Variants in FRMPD4 observed in about 807,000 individuals in gnomAD.
The protein encoded by FRMPD4 is FERM and PDZ domain containing 4.
Under a neutral mutation model 94.1 loss-of-function variants are expected in FRMPD4, and 22 were observed. The ratio of observed to expected loss-of-function variants is 0.23; its 90% CI spans 0.17 to 0.33. The LOEUF (loss-of-function observed/expected upper bound fraction) is 0.33, where lower values mean the gene tolerates loss of function less well. FRMPD4 is among the 10% of genes least tolerant of loss of function. FRMPD4 has a pLI of 1.00. For synonymous variants in FRMPD4, 631 were observed against 548.6 expected, an observed-to-expected ratio of 1.15 and a Z score of -2.10; for missense variants, 1,111 against 1,339.9, an observed-to-expected ratio of 0.83 and a Z score of 2.67.
intron 1 of FRMPD4, among the ~76,000 whole-genome samples, chrX:12,447,592 A>G (rs1439550122): frequency 8.9e-6 from 1 of 112,395 alleles, no homozygotes; most frequent in African/African-American, 3.2e-5. Flanking sequence ...AGATGGAATC[A>G]ATGCAACACG....
chrX:11,839,878 T>C (rs759095881), intron 1 of FRMPD4, among the ~76,000 whole-genome samples: 189 of 111,506 alleles, frequency 1.7e-3, no homozygotes, highest in Non-Finnish European at 2.9e-3. Context: ...CTTTGTTGAA[T>C]GTAACTTGAA....
rs183205538 is a variant in FRMPD4, at chrX:12,516,864, A to G, written c.158+18068A>G. On this transcript the variant is annotated intron_variant, in intron 2 of 16. Coordinates refer to ENST00000675598, the MANE Select transcript of FRMPD4 (RefSeq NM_001368397.1). ...AGGTTCAGTCTTTTTACATAATCCCATAGTGCTCAGAGGTTTTGTTCATTC... is the reference window on the plus strand; with the variant it reads ...AGGTTCAGTCTTTTTACATAATCCCGTAGTGCTCAGAGGTTTTGTTCATTC... Among the ~76,000 whole-genome samples, 16 of 104,529 alleles carry G rather than the reference A, an allele frequency of 1.5e-4. No individual in the cohort carries two copies. The East Asian group carries it at 4.2e-3, about 27-fold the overall frequency. 90.8% of individuals were successfully genotyped at this position (104,529 alleles called of 115,157 possible).
chrX:11,929,233 A>C (rs1036724777), intron 3 of FRMPD4, among the ~76,000 whole-genome samples: 1 of 112,404 alleles, frequency 8.9e-6, no homozygotes, highest in African/African-American at 3.2e-5. Context: ...ACAATCCTGC[A>C]CATGTACCCT....
upstream of FRMPD4, among the ~76,000 whole-genome samples, chrX:12,135,796 T>C: frequency 9.0e-6 from 1 of 111,445 alleles, no homozygotes; most frequent in East Asian, 2.8e-4. Flanking sequence ...ATAAATAGGG[T>C]AATCCTTTTA....
At chrX:11,849,740 C>T (rs1456697564) in intron 1 of FRMPD4, among the ~76,000 whole-genome samples, 1 of 107,489 alleles carries the variant, frequency 9.3e-6, no homozygotes, top group Admixed American at 1.0e-4. Flanking sequence ...GAACAATGAA[C>T]TTGGACCTTT....
chrX:12,229,860 C>A (rs1351773468), intron 1 of FRMPD4, among the ~76,000 whole-genome samples: 2 of 112,376 alleles, frequency 1.8e-5, no homozygotes, highest in Middle Eastern at 4.6e-3. Flanking sequence ...ATCTGCCCTA[C>A]AACCTGCTGT....
At chrX:12,440,953 A>G (rs2057129345) in intron 1 of FRMPD4, among the ~76,000 whole-genome samples, 1 of 112,282 alleles carries the variant, frequency 8.9e-6, no homozygotes, top group African/African-American at 3.2e-5. Flanking sequence ...AGAATTGCCA[A>G]ATGGTAAATG....
intron 1 of FRMPD4, among the ~76,000 whole-genome samples, chrX:12,294,682 T>C (rs1327006958): frequency 9.0e-6 from 1 of 111,662 alleles, no homozygotes; most frequent in Non-Finnish European, 1.9e-5. Flanking sequence ...GATTGATGGC[T>C]CCCACACTAC....
At chrX:12,027,196 A>C (rs760613498) in intron 3 of FRMPD4, among the ~76,000 whole-genome samples, 4 of 112,315 alleles carry the variant, frequency 3.6e-5, no homozygotes, top group Admixed American at 2.8e-4. Flanking sequence ...AAACGAAGTA[A>C]TCTAATCTAG....
chrX:12,654,061 G>A (rs769472147), intron 4 of FRMPD4, among the ~76,000 whole-genome samples: 3 of 111,942 alleles, frequency 2.7e-5, no homozygotes, highest in Non-Finnish European at 5.6e-5. Flanking sequence ...GTGAGCCACC[G>A]TGCCCAGCCA....
At chrX:12,233,816 T>A (rs974452748) in intron 1 of FRMPD4, among the ~76,000 whole-genome samples, 1 of 110,647 alleles carries the variant, frequency 9.0e-6, no homozygotes, top group African/African-American at 3.3e-5. Flanking sequence ...CAGGGAAGCT[T>A]GGTGAAGGCA....
intron 1 of FRMPD4, among the ~76,000 whole-genome samples, chrX:12,331,679 A>G (rs2055382754): frequency 1.4e-5 from 1 of 72,983 alleles, no homozygotes; most frequent in South Asian, 5.5e-4. Context: ...TATATAAATT[A>G]TATATTTATA....
At chrX:12,303,570 C>G (rs144528388) in intron 1 of FRMPD4, among the ~76,000 whole-genome samples, 7 of 111,766 alleles carry the variant, frequency 6.3e-5, no homozygotes, top group African/African-American at 2.3e-4. Context: ...ATGTACTAAA[C>G]TGATATCTCA....
intron 2 of FRMPD4, among the ~76,000 whole-genome samples, chrX:12,556,853 G>T (rs752151245): frequency 1.0e-3 from 58 of 56,696 alleles, no homozygotes; most frequent in African/African-American, 2.8e-3. Context: ...ATACAAGTTT[G>T]TTTGTTTATT....
intron 3 of FRMPD4, among the ~76,000 whole-genome samples, chrX:12,612,461 A>G (rs941220472): frequency 8.9e-6 from 1 of 112,478 alleles, no homozygotes; most frequent in African/African-American, 3.2e-5. Flanking sequence ...CAGAAGTCCC[A>G]AGTGATTTCA....
intron 1 of FRMPD4, among the ~76,000 whole-genome samples, chrX:12,478,632 TC>T: frequency 9.0e-6 from 1 of 111,150 alleles, no homozygotes; most frequent in Non-Finnish European, 1.9e-5. Context: ...TAGGGGAAAA[TC>T]CTTTTTGTCT....
intron 4 of FRMPD4, among the ~76,000 whole-genome samples, chrX:12,620,771 AG>A (rs1033034992): frequency 8.9e-6 from 1 of 112,621 alleles, no homozygotes; most frequent in African/African-American, 3.2e-5. Context: ...CAGTCTATAA[AG>A]ACCAGTCTGT....
At chrX:12,102,626 C>T (rs1317764397) in intron 3 of FRMPD4, among the ~76,000 whole-genome samples, 1 of 111,322 alleles carries the variant, frequency 9.0e-6, no homozygotes, top group African/African-American at 3.3e-5. Flanking sequence ...ATACTGTGTG[C>T]TCCATGTAAG....
chrX:11,854,493 C>T (rs1354023517), intron 1 of FRMPD4, among the ~76,000 whole-genome samples: 1 of 112,075 alleles, frequency 8.9e-6, no homozygotes, highest in Non-Finnish European at 1.9e-5. Context: ...GCCTGTAAAA[C>T]CAAAGGCAAG....
Sources: allele counts gnomAD v4.1 joint callset (sites outside exome capture counted in the v4.1 genomes callset), GRCh38; gene constraint gnomAD v4.1.1; transcripts MANE v1.5; gene names NCBI Gene and HGNC (gene_info 2026-07-23, HGNC 2026-07-21).